Variants in SLC9A4 observed in about 807,000 individuals in gnomAD.
SLC9A4 encodes solute carrier family 9 member A4.
A neutral mutation model predicts 67.4 loss-of-function variants in SLC9A4; 63 were observed. That is an observed-to-expected ratio of 0.93 (90% CI 0.76 to 1.15). The LOEUF is 1.15. Ranked by LOEUF, SLC9A4 falls within the 50% of genes most tolerant of loss-of-function variation. The probability of loss-of-function intolerance (pLI) is 0.00; values close to 1 mark genes in which losing one functional copy is unlikely to be tolerated. For missense variants in SLC9A4, 1,089 were observed against 987.7 expected, an observed-to-expected ratio of 1.10 and a Z score of -1.38; for synonymous variants, 393 against 367.2, an observed-to-expected ratio of 1.07 and a Z score of -0.80.
intron 2 of SLC9A4, among the ~76,000 whole-genome samples, chr2:102,495,020 C>G (rs115430304): frequency 6.6e-6 from 1 of 151,996 alleles, no homozygotes; most frequent in East Asian, 1.9e-4. Context: ...GCCCAACTAC[C>G]GCAAACTCAA....
At chr2:102,475,642 A>G (rs1684314830) in intron 1 of SLC9A4, among the ~76,000 whole-genome samples, 1 of 152,182 alleles carries the variant, frequency 6.6e-6, no homozygotes, top group Non-Finnish European at 1.5e-5. Flanking sequence ...CATACTTTAG[A>G]AAAAAAGAGT....
intron 9 of SLC9A4, among the ~76,000 whole-genome samples, chr2:102,523,221 G>A (rs540128107): frequency 6.6e-6 from 1 of 151,778 alleles, no homozygotes; most frequent in Non-Finnish European, 1.5e-5. Context: ...TGATCCACTT[G>A]TCTTGGCCTC....
chr2:102,521,305 G>C (rs530312480), intron 9 of SLC9A4, among the ~76,000 whole-genome samples: 1 of 152,268 alleles, frequency 6.6e-6, no homozygotes, highest in African/African-American at 2.4e-5. Context: ...TTCCAAGATA[G>C]CATCCTTTGG....
chr2:102,508,058 T>A, intron 4 of SLC9A4, 21 bp from the exon 5 acceptor site: 1 of 1,611,170 alleles, frequency 6.2e-7, no homozygotes, highest in Non-Finnish European at 8.5e-7. Context: ...TCTGCTCTAA[T>A]ACACGTTTCC....
At chr2:102,515,096 G>A (rs1203435393) in intron 8 of SLC9A4, among the ~76,000 whole-genome samples, 1 of 152,004 alleles carries the variant, frequency 6.6e-6, no homozygotes, top group Non-Finnish European at 1.5e-5. Context: ...GATTTATTGG[G>A]AAAATTAATC....
intron 2 of SLC9A4, among the ~76,000 whole-genome samples, chr2:102,492,720 A>G (rs1384349047): frequency 1.3e-5 from 2 of 151,996 alleles, no homozygotes; most frequent in Non-Finnish European, 2.9e-5. Context: ...CATTTTCCCT[A>G]TTGTCTTGGT....
chr2:102,532,344 G>T lies in SLC9A4; in HGVS notation c.2053G>T (p.Asp685Tyr). 1 of 1,613,006 alleles carries T rather than the reference G, an allele frequency of 6.2e-7. No individual in the cohort carries two copies. The highest frequency in any genetic ancestry group is 1.1e-5 in the South Asian group (1 of 91,024). The change falls in exon 12 of 12, where the codon GAT becomes TAT. Residue 685 changes from aspartate (D) to tyrosine (Y), a missense_variant. Asp to Tyr is a radical substitution (Grantham distance 160). Coordinates refer to ENST00000295269, the MANE Select transcript of SLC9A4 (RefSeq NM_001011552.4). ...TGTTTTCCTAGATGATGACAGCAGT[G>T]ATCCAGGATCCCCATCCATCACGTT... ...AAGFSDDDSS[D>Y]PGSPSITFSA...
At chr2:102,495,739 A>G (rs1413940565) in intron 2 of SLC9A4, among the ~76,000 whole-genome samples, 2 of 152,192 alleles carry the variant, frequency 1.3e-5, no homozygotes, top group Non-Finnish European at 2.9e-5. Context: ...ATTTTTGGCA[A>G]AAGAACTAAG....
intron 6 of SLC9A4, 52 bp from the exon 7 acceptor site, chr2:102,512,151 C>G: frequency 6.2e-7 from 1 of 1,602,174 alleles, no homozygotes; most frequent in South Asian, 1.1e-5. Context: ...TCCTGTGTGT[C>G]TTTCAGAGTT....
At chr2:102,505,172 C>G in intron 3 of SLC9A4, 82 bp from the exon 4 acceptor site, 1 of 1,259,096 alleles carries the variant, frequency 7.9e-7, no homozygotes. Flanking sequence ...CTTCATGCAT[C>G]TGTGGCATTG....
At chr2:102,484,134 A>G (rs1287011801) in intron 2 of SLC9A4, among the ~76,000 whole-genome samples, 1 of 152,096 alleles carries the variant, frequency 6.6e-6, no homozygotes, top group African/African-American at 2.4e-5. Flanking sequence ...AGGCATGACC[A>G]AGTGCCCTTA....
chr2:102,473,696 C>T lies in SLC9A4; in HGVS notation c.-64C>T. 1.3e-6 allele frequency: 2 copies of T among 1,580,860 alleles called. No individual in the cohort carries two copies. The highest frequency in any genetic ancestry group is 1.7e-5 in the Admixed American group (1 of 57,884). Reference sequence around the variant, plus strand: ...GTGGATGCAGTCACTCTCTAGAAGCCTCCCCGACTTCAGATGTGTGGCACA... The same window carrying T: ...GTGGATGCAGTCACTCTCTAGAAGCTTCCCCGACTTCAGATGTGTGGCACA... On this transcript the variant is annotated 5_prime_UTR_variant, in exon 1 of 12. Coordinates refer to ENST00000295269, the MANE Select transcript of SLC9A4 (RefSeq NM_001011552.4).
intron 2 of SLC9A4, among the ~76,000 whole-genome samples, chr2:102,479,775 C>G (rs1684420741): frequency 6.6e-6 from 1 of 152,150 alleles, no homozygotes; most frequent in African/African-American, 2.4e-5. Flanking sequence ...GAAGAGATGA[C>G]AACAGATTTG....
chr2:102,506,269 C>A (rs1370035109), intron 4 of SLC9A4, among the ~76,000 whole-genome samples: 1 of 152,084 alleles, frequency 6.6e-6, no homozygotes, highest in African/African-American at 2.4e-5. Context: ...TGATTAAAAG[C>A]AAATCTATTT....
At chr2:102,474,734 C>T (rs1684292375) in intron 1 of SLC9A4, among the ~76,000 whole-genome samples, 1 of 152,168 alleles carries the variant, frequency 6.6e-6, no homozygotes, top group Admixed American at 6.6e-5. Context: ...CCTAACTGCT[C>T]CTCCTTATCT....
intron 3 of SLC9A4, among the ~76,000 whole-genome samples, chr2:102,504,346 G>A (rs1016898060): frequency 3.9e-5 from 6 of 152,180 alleles, no homozygotes; most frequent in African/African-American, 1.4e-4. Context: ...TTGAAGAGAG[G>A]CATGCACGAG....
chr2:102,496,791 G>T (rs570782949), intron 2 of SLC9A4, among the ~76,000 whole-genome samples: 1 of 152,362 alleles, frequency 6.6e-6, no homozygotes, highest in Non-Finnish European at 1.5e-5. Context: ...AAAAAGAACA[G>T]TAGATAAAAC....
intron 9 of SLC9A4, among the ~76,000 whole-genome samples, chr2:102,524,215 C>T (rs1674611724): frequency 6.6e-6 from 1 of 152,218 alleles, no homozygotes; most frequent in African/African-American, 2.4e-5. Context: ...CTGTCCCAAT[C>T]CTATCATCCT....
intron 2 of SLC9A4, among the ~76,000 whole-genome samples, chr2:102,483,128 C>T (rs1463079817): frequency 6.6e-6 from 1 of 152,204 alleles, no homozygotes; most frequent in Non-Finnish European, 1.5e-5. Context: ...ACCGGAGTAT[C>T]TGCTGAGGAC....
Sources: allele counts gnomAD v4.1 joint callset (sites outside exome capture counted in the v4.1 genomes callset), GRCh38; gene constraint gnomAD v4.1.1; transcripts MANE v1.5; gene names NCBI Gene and HGNC (gene_info 2026-07-23, HGNC 2026-07-21).